The following PHF21B variants were observed in gnomAD, a reference collection of about 807,000 sequenced individuals.
PHF21B encodes the protein PHD finger protein 21B, also known as PHD finger protein 4.
A neutral mutation model predicts 62.2 loss-of-function variants in PHF21B; 22 were observed. That is an observed-to-expected ratio of 0.35 (90% CI 0.25 to 0.51). The LOEUF is 0.51. Ranked by LOEUF, PHF21B falls within the 20% of genes least tolerant of loss-of-function variation. PHF21B has a pLI of 0.97. For missense variants in PHF21B, 701 were observed against 707.9 expected, an observed-to-expected ratio of 0.99 and a Z score of 0.11; for synonymous variants, 341 against 314.7, an observed-to-expected ratio of 1.08 and a Z score of -0.88.
At chr22:44,928,870 T>C (rs2071685560) in intron 2 of PHF21B, among the ~76,000 whole-genome samples, 1 of 152,190 alleles carries the variant, frequency 6.6e-6, no homozygotes, top group Non-Finnish European at 1.5e-5. Context: ...GCCCTGGGGC[T>C]GCAGAGGCCC....
intron 2 of PHF21B, chr22:45,001,953 C>T (rs1443647452): frequency 6.6e-6 from 1 of 152,202 alleles, no homozygotes; most frequent in African/African-American, 2.4e-5. Flanking sequence ...ACTTGTACTG[C>T]CATTTTCCCG....
chr22:45,005,354 T>C (rs2073295949), intron 2 of PHF21B, among the ~76,000 whole-genome samples: 1 of 152,130 alleles, frequency 6.6e-6, no homozygotes, highest in Non-Finnish European at 1.5e-5. Flanking sequence ...CCAACTATCC[T>C]ATGCCTCATT....
At chr22:44,953,365 C>A (rs2072231749) in intron 2 of PHF21B, among the ~76,000 whole-genome samples, 1 of 152,198 alleles carries the variant, frequency 6.6e-6, no homozygotes, top group South Asian at 2.1e-4. Context: ...GTGCCCCTCC[C>A]TACCCCTCCC....
chr22:44,891,632 G>A (rs1030465930), intron 7 of PHF21B, among the ~76,000 whole-genome samples: 3 of 152,210 alleles, frequency 2.0e-5, no homozygotes, highest in South Asian at 2.1e-4. Flanking sequence ...CCATGGGTGC[G>A]TCTAGCTCAG....
At chr22:44,913,763 C>T (rs2071384855) in intron 5 of PHF21B, 59 bp downstream of exon 5, 2 of 1,553,430 alleles carry the variant, frequency 1.3e-6, no homozygotes, top group East Asian at 4.5e-5. Context: ...TACACAGCGG[C>T]CTCAGATGGC....
chr22:44,925,229 GGT>G (rs2071606828), intron 2 of PHF21B, among the ~76,000 whole-genome samples: 1 of 152,124 alleles, frequency 6.6e-6, no homozygotes, highest in African/African-American at 2.4e-5. Flanking sequence ...TGTGGCAATG[GGT>G]TCACATTTGT....
intron 2 of PHF21B, among the ~76,000 whole-genome samples, chr22:44,986,907 C>T (rs1403969947): frequency 1.3e-5 from 2 of 151,336 alleles, no homozygotes; most frequent in South Asian, 4.2e-4. Context: ...GGGGAGACGG[C>T]AGGTGCAGGT....
At chr22:44,942,828 T>C (rs997077084) in intron 2 of PHF21B, among the ~76,000 whole-genome samples, 3 of 152,130 alleles carry the variant, frequency 2.0e-5, no homozygotes, top group African/African-American at 7.2e-5. Context: ...AGCAAACCCT[T>C]GCCCCAGCTG....
chr22:44,920,360 C>T (rs1264292798), intron 3 of PHF21B, 38 bp downstream of exon 3: 13 of 1,528,358 alleles, frequency 8.5e-6, no homozygotes, highest in Non-Finnish European at 1.2e-5. Context: ...CGGGGACAGA[C>T]AGACGGACAC....
rs200113048 is a variant in PHF21B at position 44,908,777 on chromosome 22, CTCT to C, written c.831+5042_831+5044del. ...AGGTCCAGCAGTCTGTGCAGCACAG[CTCT>C]TCTTGGTATGCATGTATGTGTGTAT... On this transcript the variant is annotated intron_variant, in intron 5 of 12. Transcript: ENST00000313237. 7.5e-3 allele frequency among the ~76,000 whole-genome samples: 1,135 copies of C among 152,326 alleles called. 47 individuals are homozygous for C. The highest frequency in any genetic ancestry group is 0.069 in the Admixed American group (1,062 of 15,298).
At chr22:44,945,257 A>G (rs1315870376) in intron 2 of PHF21B, among the ~76,000 whole-genome samples, 1 of 152,164 alleles carries the variant, frequency 6.6e-6, no homozygotes, top group Non-Finnish European at 1.5e-5. Flanking sequence ...AGCTTTCCCC[A>G]GTGGGAACGG....
chr22:44,985,554 C>T (rs2072929908), intron 2 of PHF21B, among the ~76,000 whole-genome samples: 1 of 150,842 alleles, frequency 6.6e-6, no homozygotes, highest in South Asian at 2.2e-4. Context: ...GCCATGATTG[C>T]ATCACCGAGC....
intron 2 of PHF21B, among the ~76,000 whole-genome samples, chr22:44,949,301 CAAAAAAAAG>C (rs775538762): frequency 2.6e-4 from 11 of 42,468 alleles, no homozygotes; most frequent in African/African-American, 8.0e-4. Flanking sequence ...AACTCCATCT[CAAAAAAAAG>C]AAAAAAAAAA....
Position 44,913,916 on chromosome 22 carries a change from G to A in PHF21B, c.737C>T (p.Ala246Val), listed in dbSNP as rs2071388337. 1 of 1,613,888 alleles carries A rather than the reference G, an allele frequency of 6.2e-7. No homozygotes were observed. Among genetic ancestry groups the A allele is most frequent in the Non-Finnish European group, 8.5e-7 (1 of 1,179,976 alleles). The change falls in exon 5 of 13, where the codon GCA becomes GTA. Residue 246 changes from alanine (A) to valine (V), a missense_variant. Transcript: ENST00000313237. ...CTCCTCTGTGGGCGGCCGCGACTCT[G>A]CCGTGCTCTCGGGCTGCGTCTGCAC... is the stretch of plus-strand genomic sequence containing the variant. ...PQVQTQPEST[A>V]ESRPPTEEPS...
Position 44,883,319 on chromosome 22 carries a change from G to T in PHF21B, c.1378-15C>A. 2 of 1,611,608 alleles carry T rather than the reference G, an allele frequency of 1.2e-6. No homozygotes were observed. The highest frequency in any genetic ancestry group is 2.2e-5 in the South Asian group (2 of 90,874). ...TCCAGGCATTTCTGTTGGGGAGAAGGTCAGGGGAAAGGGTCTCAGTATTCG... is the reference window on the plus strand; with the variant it reads ...TCCAGGCATTTCTGTTGGGGAGAAGTTCAGGGGAAAGGGTCTCAGTATTCG... On this transcript the variant is annotated splice_polypyrimidine_tract_variant and intron_variant, in intron 12 of 12. Transcript: ENST00000313237.
chr22:45,005,857 A>C (rs1262023258), intron 2 of PHF21B, among the ~76,000 whole-genome samples: 2 of 152,194 alleles, frequency 1.3e-5, no homozygotes, highest in Non-Finnish European at 2.9e-5. Context: ...GAGTTAAATA[A>C]ACAAACTGTG....
intron 2 of PHF21B, among the ~76,000 whole-genome samples, chr22:44,970,721 C>G (rs1177862265): frequency 6.6e-6 from 1 of 152,168 alleles, no homozygotes; most frequent in Non-Finnish European, 1.5e-5. Context: ...CCTGCCCCCT[C>G]CAGCCTCACT....
Position 44,920,491 on chromosome 22 carries a change from C to A in PHF21B, c.121-1G>T. 6.2e-7 allele frequency: 1 copy of A among 1,608,324 alleles called. No homozygotes were observed. Among genetic ancestry groups the A allele is most frequent in the Non-Finnish European group, 8.5e-7 (1 of 1,176,506 alleles). On this transcript the variant is annotated splice_acceptor_variant, in intron 2 of 12. Transcript: ENST00000313237. LOFTEE classifies it high-confidence loss of function. ...GCACTGCAGTGATCGTTCCCAAAGC[C>A]TGAAACATACAGGAGGGCAACGCTG... is the stretch of plus-strand genomic sequence containing the variant.
intron 2 of PHF21B, among the ~76,000 whole-genome samples, chr22:44,953,109 G>A (rs1305489325): frequency 1.3e-5 from 2 of 152,156 alleles, no homozygotes; most frequent in Non-Finnish European, 2.9e-5. Flanking sequence ...TCTCTCTGAG[G>A]CCCAGGGTGC....
Sources: gnomAD v4.1 joint callset for allele counts (sites outside exome capture counted in the v4.1 genomes callset) on GRCh38, gnomAD v4.1.1 for gene constraint, MANE v1.5 for transcripts, NCBI Gene and HGNC (gene_info 2026-07-23, HGNC 2026-07-21) for gene names.